The following DCLRE1C variants were observed in gnomAD, a reference collection of about 807,000 sequenced individuals.
DCLRE1C encodes the protein protein artemis.
DCLRE1C carries 47 observed loss-of-function variants against 61.4 expected under a neutral mutation model. That is an observed-to-expected ratio of 0.77 (90% CI 0.61 to 0.98). The LOEUF is 0.98. Ranked by LOEUF, DCLRE1C falls within the 50% of genes least tolerant of loss-of-function variation. The pLI is 0.00. For synonymous variants in DCLRE1C, 337 were observed against 287.6 expected (o/e 1.17, Z -1.74); for missense variants, 858 against 816.0 (o/e 1.05, Z -0.63).
chr10:14,912,651 G>A (rs553261058), intron 13 of DCLRE1C, among the ~76,000 whole-genome samples: 9 of 152,260 alleles, frequency 5.9e-5, no homozygotes, highest in South Asian at 4.1e-4. Context: ...AAGATAATGC[G>A]AAATAAAAGC....
chr10:14,935,292 C>A (rs1827431109), intron 6 of DCLRE1C, among the ~76,000 whole-genome samples, 171 bp downstream of exon 6: 1 of 152,026 alleles, frequency 6.6e-6, no homozygotes, highest in African/African-American at 2.4e-5. Context: ...CATGGCAAAA[C>A]CCCATCTCCA....
chr10:14,908,591 CT>C lies in DCLRE1C; in HGVS notation c.1895del (p.Glu632GlyfsTer6). On this transcript the variant is annotated frameshift_variant, in exon 14 of 14. Transcript: ENST00000378278. LOFTEE classifies it high-confidence loss of function. Reference protein sequence around the residue: ...TTLSSETHIPEEKSLLNLSTN... With the variant: ...TTLSSETHIPXEKSLLNLSTN... ...TGCTAAGATTTAGCAAACTTTTTTCCTCGGGTATATGTGTCTCACTGCTTAG... is the reference window on the plus strand; with the variant it reads ...TGCTAAGATTTAGCAAACTTTTTTCCCGGGTATATGTGTCTCACTGCTTAG... The C allele has an allele frequency of 6.2e-7, 1 of 1,614,086 alleles. No individual in the cohort carries two copies. Among genetic ancestry groups the C allele is most frequent in the Non-Finnish European group, 8.5e-7 (1 of 1,180,030 alleles).
At chr10:14,922,778 A>T (rs1324182628) in intron 12 of DCLRE1C, among the ~76,000 whole-genome samples, 34 of 152,136 alleles carry the variant, frequency 2.2e-4, no homozygotes, top group Admixed American at 2.2e-3. Flanking sequence ...AACCCAGGAG[A>T]AGCTGACAAC....
downstream of DCLRE1C, among the ~76,000 whole-genome samples, chr10:14,899,970 C>A (rs747782217): frequency 6.6e-5 from 10 of 152,108 alleles, no homozygotes; most frequent in Non-Finnish European, 2.9e-5. Context: ...GTATTACTTT[C>A]ATATTACAAT....
Position 14,909,308 on chromosome 10 carries a change from A to G in DCLRE1C, c.1179T>C (p.Phe393=), listed in dbSNP as rs1564368051. ...TTAAAGGTATTGGCAGAGGATCATC[A>G]AAGAGATAGTCATCTTCCTCCTCTG... ...RDSEEEDDYL[F]DDPLPIPLRH... is the part of the protein sequence containing the mutation. Residue 393 remains phenylalanine, a synonymous_variant, in exon 14 of 14, where the codon TTT becomes TTC. Transcript: ENST00000378278. 2 of 1,613,804 alleles carry G rather than the reference A, an allele frequency of 1.2e-6. No individual in the cohort carries two copies. The highest frequency in any genetic ancestry group is 1.7e-6 in the Non-Finnish European group (2 of 1,179,990).
At chr10:14,948,499 C>T (rs1297028343) in intron 2 of DCLRE1C, among the ~76,000 whole-genome samples, 1 of 152,150 alleles carries the variant, frequency 6.6e-6, no homozygotes, top group Non-Finnish European at 1.5e-5. Context: ...ACAGAAATAA[C>T]ATGGAGTGAG....
At chr10:14,934,279 G>A in intron 8 of DCLRE1C, 101 bp downstream of exon 8, 1 of 1,520,338 alleles carries the variant, frequency 6.6e-7, no homozygotes, top group Non-Finnish European at 8.9e-7. Context: ...AGTGAGCCGA[G>A]GTCGCGTCAC....
intron 9 of DCLRE1C, among the ~76,000 whole-genome samples, chr10:14,929,275 A>G (rs763898300): frequency 1.3e-5 from 2 of 152,082 alleles, no homozygotes; most frequent in African/African-American, 2.4e-5. Context: ...ATGGTGGCGC[A>G]TGCCTGTAAT....
chr10:14,932,240 T>C (rs1307401592), intron 9 of DCLRE1C, among the ~76,000 whole-genome samples: 6 of 151,932 alleles, frequency 3.9e-5, no homozygotes, highest in South Asian at 2.1e-4. Context: ...TAAATACATA[T>C]ATAAATAGCA....
chr10:14,925,670 C>T (rs1338434945), intron 11 of DCLRE1C, among the ~76,000 whole-genome samples: 1 of 152,146 alleles, frequency 6.6e-6, no homozygotes, highest in Non-Finnish European at 1.5e-5. Flanking sequence ...ATCTAACATA[C>T]ATATTTTCTC....
chr10:14,915,450 C>CA (rs1221241454), intron 13 of DCLRE1C, among the ~76,000 whole-genome samples: 2 of 151,678 alleles, frequency 1.3e-5, no homozygotes, highest in Non-Finnish European at 2.9e-5. Context: ...ATATCAGGAG[C>CA]AAGAGGATTA....
At chr10:14,918,730 A>C (rs1332552321) in intron 13 of DCLRE1C, among the ~76,000 whole-genome samples, 1 of 152,182 alleles carries the variant, frequency 6.6e-6, no homozygotes. Context: ...CTGTTTTTCT[A>C]AAACCTTTTA....
intron 11 of DCLRE1C, among the ~76,000 whole-genome samples, chr10:14,926,005 T>C (rs996267453): frequency 3.9e-5 from 6 of 152,178 alleles, no homozygotes; most frequent in Non-Finnish European, 8.8e-5. Context: ...TTCCCCACTT[T>C]CACTCTGCAC....
chr10:14,950,296 T>C (rs1030379757), intron 1 of DCLRE1C, among the ~76,000 whole-genome samples: 2 of 145,374 alleles, frequency 1.4e-5, no homozygotes, highest in African/African-American at 5.2e-5. Context: ...GCTGAGATTG[T>C]ACCATTGCAC....
intron 13 of DCLRE1C, among the ~76,000 whole-genome samples, chr10:14,916,478 T>C (rs1265932872): frequency 6.6e-6 from 1 of 152,204 alleles, no homozygotes; most frequent in Admixed American, 6.5e-5. Context: ...GAAATCCTTA[T>C]TGCAGCATTT....
At chr10:14,940,319 C>T (rs1243452131) in intron 3 of DCLRE1C, among the ~76,000 whole-genome samples, 2 of 147,502 alleles carry the variant, frequency 1.4e-5, no homozygotes, top group Non-Finnish European at 3.0e-5. Context: ...GATGCATTCT[C>T]GCTCTGTCAC....
intron 12 of DCLRE1C, 72 bp downstream of exon 12, chr10:14,922,909 C>A: frequency 3.8e-6 from 4 of 1,057,376 alleles, no homozygotes; most frequent in Non-Finnish European, 4.5e-6. Flanking sequence ...AACATTCAGG[C>A]AAACTCTCCT....
chr10:14,931,793 C>T (rs1159641091), intron 9 of DCLRE1C, among the ~76,000 whole-genome samples: 1 of 152,182 alleles, frequency 6.6e-6, no homozygotes, highest in Non-Finnish European at 1.5e-5. Flanking sequence ...AATCCCAACA[C>T]TTTGGAAGGC....
rs750020058 is a variant in DCLRE1C, at chr10:14,908,165, CTTTT to C, written c.*239_*242del. The C allele has an allele frequency of 3.1e-3, 618 of 196,894 alleles. No homozygotes were observed. Among genetic ancestry groups the C allele is most frequent in the East Asian group, 9.6e-3 (54 of 5,626 alleles). The allele number at this position is 196,894 out of a possible 1,614,324, so 12.2% of individuals were successfully genotyped here. Reference sequence around the variant, plus strand: ...CAGAGTAGCCCACCACCATGCCTGGCTTTTTTTTTTTTTTTTTTTTTTGTAAGTA... The same window carrying C: ...CAGAGTAGCCCACCACCATGCCTGGCTTTTTTTTTTTTTTTTTTGTAAGTA... On this transcript the variant is annotated 3_prime_UTR_variant, in exon 14 of 14. Transcript: ENST00000378278.
Sources: allele counts gnomAD v4.1 joint callset (sites outside exome capture counted in the v4.1 genomes callset), GRCh38; gene constraint gnomAD v4.1.1; transcripts MANE v1.5; gene names NCBI Gene and HGNC (gene_info 2026-07-23, HGNC 2026-07-21).